Variants in OSBPL5 observed in about 807,000 individuals in gnomAD.
OSBPL5 encodes oxysterol-binding protein-related protein 5.
In OSBPL5, 71 loss-of-function variants were observed where a neutral mutation model predicts 111.2. That is an observed-to-expected ratio of 0.64 (90% confidence interval 0.53 to 0.78). OSBPL5 has a LOEUF of 0.78. OSBPL5 is among the 30% of genes least tolerant of loss of function. OSBPL5 has a pLI of 0.00. For missense variants in OSBPL5, 1,210 were observed against 1,189.3 expected (o/e 1.02, Z -0.26); for synonymous variants, 549 against 513.9 (o/e 1.07, Z -0.93).
intron 1 of OSBPL5, among the ~76,000 whole-genome samples, chr11:3,156,553 A>AAAGAATCGG (rs1846764384): frequency 6.6e-6 from 1 of 151,912 alleles, no homozygotes; most frequent in Non-Finnish European, 1.5e-5. Flanking sequence ...GAAAGAATCG[A>AAAGAATCGG]GCTCTGGGGC....
rs1422548429 is a variant in OSBPL5, at chr11:3,140,011, A to C, written c.-21-10842T>G. 6.6e-6 allele frequency among the ~76,000 whole-genome samples: 1 copy of C among 152,204 alleles called. No homozygotes were observed. Among genetic ancestry groups the C allele is most frequent in the Non-Finnish European group, 1.5e-5 (1 of 68,010 alleles). ...CCCTGCTCTGAGAAGCCAGCCTCAC[A>C]AGATCATTCATCGCAAGCTCTGGGC... On this transcript the variant is annotated intron_variant, in intron 1 of 21. Coordinates refer to ENST00000263650, the MANE Select transcript of OSBPL5 (RefSeq NM_020896.4). This position sits in a 1 kb window ranked among gnomAD's most constrained non-coding sequence, Gnocchi z 4.5.
chr11:3,125,740 G>T (rs1307532580), intron 3 of OSBPL5, among the ~76,000 whole-genome samples: 2 of 147,236 alleles, frequency 1.4e-5, no homozygotes, highest in African/African-American at 5.2e-5. Flanking sequence ...GGGAGGCGGA[G>T]CTTGCAGTGA....
At position 3,141,242 on chromosome 11, in the gene OSBPL5, C is replaced by T. The variant is rs571835038; in HGVS notation, c.-21-12073G>A. 2.0e-5 allele frequency among the ~76,000 whole-genome samples: 3 copies of T among 152,250 alleles called. No homozygotes were observed. The highest frequency in any genetic ancestry group is 2.9e-5 in the Non-Finnish European group (2 of 68,006). ...GCAGGGAGGGCACAGGAGATGCCACCGAGTCGTGATTGCTCCTGGACAATG... is the reference window on the plus strand; with the variant it reads ...GCAGGGAGGGCACAGGAGATGCCACTGAGTCGTGATTGCTCCTGGACAATG... On this transcript the variant is annotated intron_variant, in intron 1 of 21. Coordinates refer to ENST00000263650, the MANE Select transcript of OSBPL5 (RefSeq NM_020896.4). The surrounding 1 kb of genome is among the most constrained non-coding windows in gnomAD (Gnocchi z 6.5).
chr11:3,143,620 C>T (rs570527279), intron 1 of OSBPL5, among the ~76,000 whole-genome samples: 1 of 152,384 alleles, frequency 6.6e-6, no homozygotes, highest in African/African-American at 2.4e-5. Flanking sequence ...CACATCTTGT[C>T]CGCTTCCACG....
rs1214722252 is a variant in OSBPL5 at position 3,092,807 on chromosome 11, TCAGCCCGTCTGCTAGGCC to T, written c.2132+42_2132+59del. On this transcript the variant is annotated intron_variant, in intron 18 of 21. Coordinates refer to ENST00000263650, the MANE Select transcript of OSBPL5 (RefSeq NM_020896.4). This position sits in a 1 kb window ranked among gnomAD's most constrained non-coding sequence, Gnocchi z 5.4. ...GAAGCCAGGAGCCCCTGGGCCCTTC[TCAGCCCGTCTGCTAGGCC>T]CAGCCCCACCCTGTGGCCCCCAGGG... 4 of 1,470,410 alleles carry T rather than the reference TCAGCCCGTCTGCTAGGCC, an allele frequency of 2.7e-6. No homozygotes were observed. Among genetic ancestry groups the T allele is most frequent in the South Asian group, 2.7e-5 (2 of 73,516 alleles). The allele number at this position is 1,470,410 out of a possible 1,614,324, so 91.1% of individuals were successfully genotyped here.
chr11:3,103,790 T>TCCAG (rs1564830199), intron 10 of OSBPL5, among the ~76,000 whole-genome samples: 3 of 53,380 alleles, frequency 5.6e-5, no homozygotes, highest in Non-Finnish European at 9.3e-5. Flanking sequence ...TGCAGTCCCT[T>TCCAG]CCTGCCTCTG....
chr11:3,120,714 C>G, intron 5 of OSBPL5, 90 bp from the exon 6 acceptor site: 1 of 1,443,698 alleles, frequency 6.9e-7, no homozygotes. Flanking sequence ...CAGGCACAGA[C>G]CAGGGTGGGC....
At chr11:3,147,161 C>T (rs1211660212) in intron 1 of OSBPL5, among the ~76,000 whole-genome samples, 1 of 152,216 alleles carries the variant, frequency 6.6e-6, no homozygotes, top group East Asian at 1.9e-4. Flanking sequence ...GGCTGCAAGG[C>T]CTCTGTGAGG....
chr11:3,088,341 TG>T lies in OSBPL5; in HGVS notation c.2503del (p.His835ThrfsTer6). The T allele has an allele frequency of 6.4e-7, 1 of 1,566,226 alleles. No homozygotes were observed. Among genetic ancestry groups the T allele is most frequent in the Non-Finnish European group, 8.6e-7 (1 of 1,158,804 alleles). On this transcript the variant is annotated frameshift_variant and splice_region_variant, in exon 22 of 22. Coordinates refer to ENST00000263650, the MANE Select transcript of OSBPL5 (RefSeq NM_020896.4). LOFTEE classifies it low-confidence loss of function (END_TRUNC). ...CGTGGAGCTCAGCATGGCCGAGAGG[TG>T]CCTGCAAGGACAGGCGACAGATCGT... ...IREAQQELHRHLSAMLSSTAR... is the reference protein window; with the variant it reads ...IREAQQELHRXLSAMLSSTAR...
Position 3,092,461 on chromosome 11 carries a change from A to G in OSBPL5, c.2230T>C (p.Phe744Leu), listed in dbSNP as rs771435217. 4 of 1,579,252 alleles carry G rather than the reference A, an allele frequency of 2.5e-6. No individual in the cohort carries two copies. The African/African-American group carries it at 5.4e-5, about 21-fold the overall frequency. ...TGCCTGGGCCCTGGGCTGCCCAGGA[A>G]GGTGGTCTGGCGGGCCACGGCCTCC... Reference protein sequence around the residue: ...QQEAVARQTTFLGSPGPRHER... With the variant: ...QQEAVARQTTLLGSPGPRHER... Residue 744 changes from phenylalanine to leucine, a missense_variant, in exon 19 of 22, where the codon TTC becomes CTC. Coordinates refer to ENST00000263650, the MANE Select transcript of OSBPL5 (RefSeq NM_020896.4). This position sits in a 1 kb window ranked among gnomAD's most constrained non-coding sequence, Gnocchi z 5.4.
Position 3,126,456 on chromosome 11 carries a change from T to A in OSBPL5, c.219+17A>T. 6.2e-7 allele frequency: 1 copy of A among 1,603,528 alleles called. No homozygotes were observed. The highest frequency in any genetic ancestry group is 8.5e-7 in the Non-Finnish European group (1 of 1,176,554). On this transcript the variant is annotated intron_variant, in intron 3 of 21. Transcript: ENST00000263650. The surrounding 1 kb of genome is among the most constrained non-coding windows in gnomAD (Gnocchi z 6.5). ...CCAGGCTCTGGCTCATGGATCCTCC[T>A]ATACCCAGGCTCTTACCGGTGGCAC...
chr11:3,122,023 C>T lies in OSBPL5; in HGVS notation c.376G>A (p.Val126Met), dbSNP rs377626825. The change falls in exon 5 of 22, where the codon GTG (valine) becomes ATG (methionine). Residue 126 changes from valine (V) to methionine (M), a missense_variant. Coordinates refer to ENST00000263650, the MANE Select transcript of OSBPL5 (RefSeq NM_020896.4). ...TTCAGGCTGTCAGCCATGATGACCA[C>T]GCTGGGGTCTGTCAGAGCGCTGAGC... The part of the protein sequence containing the change: ...QLLSALTDPS[V>M]VIMADSLKIR... 6 of 1,578,018 alleles carry T rather than the reference C, an allele frequency of 3.8e-6. No individual in the cohort carries two copies. The highest frequency in any genetic ancestry group is 2.3e-5 in the East Asian group (1 of 43,746).
chr11:3,141,359 C>T lies in OSBPL5; in HGVS notation c.-21-12190G>A, dbSNP rs188984033. On this transcript the variant is annotated intron_variant, in intron 1 of 21. Transcript: ENST00000263650. This position sits in a 1 kb window ranked among gnomAD's most constrained non-coding sequence, Gnocchi z 6.5. ...CTGTGACTCTGCATAGTGGGAAGGACGTGGATTCTAGAAACCCCTCCTGCC... is the reference window on the plus strand; with the variant it reads ...CTGTGACTCTGCATAGTGGGAAGGATGTGGATTCTAGAAACCCCTCCTGCC... Among the ~76,000 whole-genome samples, 54 of 152,212 alleles carry T rather than the reference C, an allele frequency of 3.5e-4. No homozygotes were observed. Among genetic ancestry groups the T allele is most frequent in the African/African-American group, 1.1e-3 (45 of 41,534 alleles).
chr11:3,128,528 T>A (rs1330269442), intron 2 of OSBPL5, among the ~76,000 whole-genome samples: 3 of 152,172 alleles, frequency 2.0e-5, no homozygotes, highest in Non-Finnish European at 4.4e-5. Context: ...TATCTACAAT[T>A]GCACGAAGGC....
intron 1 of OSBPL5, among the ~76,000 whole-genome samples, chr11:3,134,868 G>C (rs114879896): frequency 6.6e-6 from 1 of 152,168 alleles, no homozygotes; most frequent in African/African-American, 2.4e-5. Context: ...TGTGGGTGCC[G>C]GGTGCAGGCC....
In OSBPL5 at chr11:3,109,877, C is replaced by T. The variant is rs967110468; in HGVS notation, c.692-1932G>A. On this transcript the variant is annotated intron_variant, in intron 7 of 21. Transcript: ENST00000263650. The surrounding 1 kb of genome is among the most constrained non-coding windows in gnomAD (Gnocchi z 7.4). ...CATTCCGAGACCTCTTCCTCCTCTT[C>T]CTGGAAGCCCACCCTGATACCCACA... 6.6e-6 allele frequency among the ~76,000 whole-genome samples: 1 copy of T among 152,208 alleles called. No individual in the cohort carries two copies. Among genetic ancestry groups the T allele is most frequent in the Non-Finnish European group, 1.5e-5 (1 of 68,030 alleles).
intron 1 of OSBPL5, among the ~76,000 whole-genome samples, chr11:3,159,001 C>T (rs1250960005): frequency 1.3e-5 from 2 of 152,126 alleles, no homozygotes; most frequent in Non-Finnish European, 1.5e-5. Context: ...GAAACTGAAG[C>T]CCAGCGAGGA....
rs1857532645 is a variant in OSBPL5 at position 3,103,651 on chromosome 11, C to T, written c.1245-331G>A. On this transcript the variant is annotated intron_variant, in intron 10 of 21. Transcript: ENST00000263650. Reference sequence around the variant, plus strand: ...TGCCTGGCTCCTGAGCCTGCAGCCCCCTTCCTGCCTCTGTTGCCCCCTTCC... The same window carrying T: ...TGCCTGGCTCCTGAGCCTGCAGCCCTCTTCCTGCCTCTGTTGCCCCCTTCC... Among the ~76,000 whole-genome samples the T allele has an allele frequency of 2.0e-5, 3 of 150,018 alleles. No homozygotes were observed. In the South Asian group the frequency reaches 6.2e-4, roughly 31 times the overall value.
rs1564842546 is a variant in OSBPL5, at chr11:3,120,464, A to T, written c.563T>A (p.Phe188Tyr). The T allele has an allele frequency of 1.2e-6, 2 of 1,613,292 alleles. No homozygotes were observed. The highest frequency in any genetic ancestry group is 3.3e-4 in the Middle Eastern group (2 of 6,062). Residue 188 changes from phenylalanine (F) to tyrosine (Y), a missense_variant, in exon 6 of 22, where the codon TTC (phenylalanine) becomes TAC (tyrosine). By Grantham distance (22) the Phe-to-Tyr change is conservative (BLOSUM62 3). Transcript: ENST00000263650. The stretch of plus-strand genomic sequence containing the variant: ...CTGATCCAGCGGGTGGAAGAGCTTG[A>T]AGCAGAAGCCGTCCTTCTTGGAGGG... The part of the protein sequence containing the change: ...ERPSKKDGFC[F>Y]KLFHPLDQSV...
Sources: allele counts gnomAD v4.1 joint callset (sites outside exome capture counted in the v4.1 genomes callset), GRCh38; gene constraint gnomAD v4.1.1; non-coding constraint Gnocchi (gnomAD v3.1); transcripts MANE v1.5; gene names NCBI Gene and HGNC (gene_info 2026-07-23, HGNC 2026-07-21).